The following SUFU variants were observed in gnomAD, a reference collection of about 807,000 sequenced individuals.
SUFU encodes SUFU negative regulator of hedgehog signaling.
In SUFU, 7 loss-of-function variants were observed where a neutral mutation model predicts 58.9. That is an observed-to-expected ratio of 0.12 (90% CI 0.07 to 0.22). The LOEUF is 0.22. SUFU is among the 10% of genes least tolerant of loss of function. The pLI, the probability that SUFU is intolerant of heterozygous loss-of-function variation, is 1.00. For missense variants in SUFU, 451 were observed against 641.3 expected, an observed-to-expected ratio of 0.70 and a Z score of 3.20; for synonymous variants, 232 against 254.8, an observed-to-expected ratio of 0.91 and a Z score of 0.85.
intron 2 of SUFU, among the ~76,000 whole-genome samples, chr10:102,535,064 G>A (rs2062720350): frequency 6.6e-6 from 1 of 152,170 alleles, no homozygotes; most frequent in Non-Finnish European, 1.5e-5. Context: ...AGTAAGGTGA[G>A]AACTCAGCCT....
chr10:102,602,349 GTC>G (rs1336859873), intron 8 of SUFU, among the ~76,000 whole-genome samples: 3 of 152,202 alleles, frequency 2.0e-5, no homozygotes, highest in African/African-American at 7.2e-5. Flanking sequence ...ATCAGACTGT[GTC>G]TCTGAGAAAA....
intron 9 of SUFU, 139 bp downstream of exon 9, chr10:102,615,541 C>T: frequency 3.0e-6 from 4 of 1,314,432 alleles, no homozygotes; most frequent in Non-Finnish European, 2.2e-6. Flanking sequence ...CCCGTGCTTC[C>T]CGTCTCCCTG....
intron 2 of SUFU, among the ~76,000 whole-genome samples, chr10:102,516,125 C>CTTTTTTTTTTTTTTTTTTTTTTTTT (rs60544094): frequency 8.0e-6 from 1 of 125,586 alleles, no homozygotes; most frequent in African/African-American, 2.9e-5. Context: ...TCTTTCTTTT[C>CTTTTTTTTTTTTTTTTTTTTTTTTT]TTTTTTTTTT....
intron 10 of SUFU, chr10:102,618,955 TG>T: frequency 1.3e-6 from 1 of 767,710 alleles, no homozygotes; most frequent in Non-Finnish European, 2.3e-6. Context: ...TGTGTGTGTG[TG>T]TGTGTGTGTG....
intron 8 of SUFU, among the ~76,000 whole-genome samples, chr10:102,611,709 T>C (rs1038047489): frequency 4.6e-5 from 7 of 152,268 alleles, no homozygotes; most frequent in Non-Finnish European, 8.8e-5. Context: ...ATTGGCCTTA[T>C]CTGAGTCATC....
At chr10:102,613,586 T>C (rs1408157642) in intron 8 of SUFU, among the ~76,000 whole-genome samples, 2 of 152,262 alleles carry the variant, frequency 1.3e-5, no homozygotes, top group African/African-American at 2.4e-5. Context: ...GCTGTCTGGC[T>C]GTCATCCTGG....
chr10:102,583,126 C>A (rs547299611), intron 3 of SUFU, among the ~76,000 whole-genome samples: 20 of 152,288 alleles, frequency 1.3e-4, no homozygotes, highest in African/African-American at 4.6e-4. Flanking sequence ...GTCTGAGCAT[C>A]CAGGGCATAA....
chr10:102,515,237 C>T (rs943907020), intron 2 of SUFU, among the ~76,000 whole-genome samples: 1 of 151,784 alleles, frequency 6.6e-6, no homozygotes, highest in Non-Finnish European at 1.5e-5. Context: ...AACTTTTCCA[C>T]TTGTTGTTTA....
At chr10:102,506,410 G>C (rs2062327702) in intron 1 of SUFU, among the ~76,000 whole-genome samples, 1 of 151,856 alleles carries the variant, frequency 6.6e-6, no homozygotes, top group East Asian at 1.9e-4. Flanking sequence ...ACAGAGTTTT[G>C]CTCTGTCACC....
chr10:102,628,792 C>T lies in SUFU; in HGVS notation c.1366-1274C>T, dbSNP rs12357172. 0.23 allele frequency among the ~76,000 whole-genome samples: 34,718 copies of T among 152,060 alleles called. 4,874 individuals carry two copies. Among genetic ancestry groups the T allele is most frequent in the Non-Finnish European group, 0.3 (20,416 of 67,960 alleles). Reference sequence around the variant, plus strand: ...GGCTCGTCTGCCTCCAGCCCCAGACCGAGGCAGGCTGAGAACACTGTTCTC... The same window carrying T: ...GGCTCGTCTGCCTCCAGCCCCAGACTGAGGCAGGCTGAGAACACTGTTCTC... On this transcript the variant is annotated intron_variant, in intron 11 of 11. Transcript: ENST00000369902. The surrounding 1 kb of genome is among the most constrained non-coding windows in gnomAD (Gnocchi z 4.5).
At chr10:102,616,529 C>T (rs1212674675) in intron 9 of SUFU, among the ~76,000 whole-genome samples, 1 of 152,254 alleles carries the variant, frequency 6.6e-6, no homozygotes, top group Non-Finnish European at 1.5e-5. Context: ...AGCCACTTCT[C>T]TGGCCCAGGC....
chr10:102,593,888 T>G, intron 5 of SUFU, 105 bp from the exon 6 acceptor site: 1 of 1,449,904 alleles, frequency 6.9e-7, no homozygotes, highest in Non-Finnish European at 9.7e-7. Flanking sequence ...CCACGAACTA[T>G]TCCCCTGTGT....
intron 3 of SUFU, chr10:102,572,760 A>T: frequency 2.7e-6 from 2 of 752,552 alleles, no homozygotes; most frequent in Non-Finnish European, 4.9e-6. Flanking sequence ...ACTCAGTTTA[A>T]ATGATCCCAA....
intron 8 of SUFU, among the ~76,000 whole-genome samples, chr10:102,612,611 G>A (rs1203489720): frequency 6.6e-6 from 1 of 152,112 alleles, no homozygotes; most frequent in Non-Finnish European, 1.5e-5. Flanking sequence ...CTATTCATGA[G>A]CATTTTTGCC....
intron 2 of SUFU, among the ~76,000 whole-genome samples, chr10:102,516,274 A>G (rs867233674): frequency 2.0e-5 from 3 of 151,476 alleles, no homozygotes; most frequent in Non-Finnish European, 2.9e-5. Flanking sequence ...GGGTTTTACT[A>G]TGTTGGCCAG....
intron 3 of SUFU, chr10:102,591,000 T>C (rs1210809535): frequency 1.3e-5 from 2 of 152,220 alleles, no homozygotes; most frequent in African/African-American, 2.4e-5. Flanking sequence ...ATGAACACTA[T>C]TGAGGTTAGG....
intron 3 of SUFU, among the ~76,000 whole-genome samples, chr10:102,579,476 G>T (rs2063250495): frequency 6.6e-6 from 1 of 152,184 alleles, no homozygotes; most frequent in Non-Finnish European, 1.5e-5. Flanking sequence ...CTTATAAAGG[G>T]ATTTTCCTTA....
At chr10:102,503,123 T>C (rs967642731), upstream of SUFU, among the ~76,000 whole-genome samples, 7 of 152,208 alleles carry the variant, frequency 4.6e-5, no homozygotes, top group African/African-American at 1.7e-4. Context: ...ATGTTTTTAT[T>C]TGGGTCTGTA....
chr10:102,530,636 T>C (rs542810423), intron 2 of SUFU, among the ~76,000 whole-genome samples: 29 of 151,688 alleles, frequency 1.9e-4, no homozygotes, highest in African/African-American at 6.5e-4. Context: ...AAATTTTTTA[T>C]AGAGATGGGG....
Sources: gnomAD v4.1 joint callset for allele counts (sites outside exome capture counted in the v4.1 genomes callset) on GRCh38, gnomAD v4.1.1 for gene constraint, Gnocchi (gnomAD v3.1) non-coding constraint, MANE v1.5 for transcripts, NCBI Gene and HGNC (gene_info 2026-07-23, HGNC 2026-07-21) for gene names.